ABHD18: variants seen among roughly 807,000 people sequenced by gnomAD.
The protein encoded by ABHD18 is abhydrolase domain containing 18, also known as cardiolipin-specific deacylase, mitochondrial.
A neutral mutation model predicts 65.9 loss-of-function variants in ABHD18; 55 were observed. That is an observed-to-expected ratio of 0.84 (90% confidence interval 0.67 to 1.05). The LOEUF (loss-of-function observed/expected upper bound fraction) is 1.05. ABHD18 is among the 50% of genes least tolerant of loss of function. ABHD18 has a pLI of 0.00. For missense variants in ABHD18, 533 were observed against 558.5 expected (o/e 0.95, Z 0.46); for synonymous variants, 181 against 180.2 (o/e 1.00, Z -0.04).
chr4:127,985,312 G>T (rs1215538813), intron 3 of ABHD18, among the ~76,000 whole-genome samples: 2 of 151,988 alleles, frequency 1.3e-5, no homozygotes, highest in African/African-American at 4.8e-5. Context: ...TTGGAGAGGG[G>T]ATACAAATGG....
chr4:128,006,419 G>A (rs1293816925), intron 4 of ABHD18, among the ~76,000 whole-genome samples: 1 of 152,188 alleles, frequency 6.6e-6, no homozygotes, highest in African/African-American at 2.4e-5. Context: ...TTCTCGTTAT[G>A]AGATTGAAAA....
At chr4:127,969,723 T>A (rs187079451) in intron 1 of ABHD18, among the ~76,000 whole-genome samples, 112 of 152,106 alleles carry the variant, frequency 7.4e-4, no homozygotes, top group African/African-American at 2.5e-3. Flanking sequence ...TTACTTTTCT[T>A]CTTACTGTAA....
chr4:127,978,818 A>C (rs1342858411), intron 1 of ABHD18, among the ~76,000 whole-genome samples: 1 of 152,198 alleles, frequency 6.6e-6, no homozygotes, highest in African/African-American at 2.4e-5. Context: ...AGCTTATGAT[A>C]TGGTTACATC....
At chr4:127,985,900 A>G (rs573644167) in intron 3 of ABHD18, among the ~76,000 whole-genome samples, 3 of 152,100 alleles carry the variant, frequency 2.0e-5, no homozygotes, top group Admixed American at 1.3e-4. Flanking sequence ...CCAGCTTTCC[A>G]GCTACTCGGG....
intron 1 of ABHD18, among the ~76,000 whole-genome samples, chr4:127,975,750 AAATC>A (rs1747790768): frequency 6.6e-6 from 1 of 152,190 alleles, no homozygotes; most frequent in Non-Finnish European, 1.5e-5. Flanking sequence ...GAATTTTTTT[AAATC>A]AATATTTGCA....
At chr4:128,009,376 A>G (rs952941580) in intron 6 of ABHD18, among the ~76,000 whole-genome samples, 185 bp downstream of exon 6, 7 of 152,234 alleles carry the variant, frequency 4.6e-5, no homozygotes, top group African/African-American at 9.6e-5. Flanking sequence ...AAAAATTAAC[A>G]TAAGGATTGT....
intron 4 of ABHD18, among the ~76,000 whole-genome samples, chr4:127,993,136 G>T (rs1007086217): frequency 6.6e-6 from 1 of 152,024 alleles, no homozygotes; most frequent in Non-Finnish European, 1.5e-5. Context: ...GTATGCTAAA[G>T]GATATAGAAG....
At chr4:128,014,903 C>T (rs1195304159) in intron 7 of ABHD18, among the ~76,000 whole-genome samples, 1 of 152,054 alleles carries the variant, frequency 6.6e-6, no homozygotes, top group Non-Finnish European at 1.5e-5. Flanking sequence ...CAGTGTAAAA[C>T]CCTGTCTCTA....
intron 12 of ABHD18, among the ~76,000 whole-genome samples, chr4:128,032,334 G>A (rs1341244601): frequency 6.6e-6 from 1 of 152,170 alleles, no homozygotes; most frequent in Non-Finnish European, 1.5e-5. Flanking sequence ...ACAGAGGTTA[G>A]ATGACATTGG....
intron 12 of ABHD18, among the ~76,000 whole-genome samples, chr4:128,033,617 C>A (rs1044802374): frequency 1.3e-5 from 2 of 148,700 alleles, no homozygotes; most frequent in Non-Finnish European, 3.0e-5. Context: ...CTCACTGCAA[C>A]CTCCACCTCC....
chr4:128,023,827 TAAGCCAAGATCACGCC>T (rs1316997487), intron 10 of ABHD18, among the ~76,000 whole-genome samples: 1 of 152,110 alleles, frequency 6.6e-6, no homozygotes, highest in Non-Finnish European at 1.5e-5. Context: ...GAGCTTGCAG[TAAGCCAAGATCACGCC>T]ACTGCACGCC....
chr4:128,008,166 G>T (rs1412707187), intron 4 of ABHD18, among the ~76,000 whole-genome samples: 1 of 151,568 alleles, frequency 6.6e-6, no homozygotes, highest in Non-Finnish European at 1.5e-5. Context: ...GGAGGCTGAG[G>T]CAGGAGAAGC....
intron 1 of ABHD18, among the ~76,000 whole-genome samples, chr4:127,981,278 G>T (rs1380871090): frequency 6.6e-6 from 1 of 152,032 alleles, no homozygotes; most frequent in East Asian, 1.9e-4. Flanking sequence ...CCCATTGTAG[G>T]TCGAGGAGCA....
intron 1 of ABHD18, among the ~76,000 whole-genome samples, chr4:127,973,505 A>G (rs559715806): frequency 2.2e-4 from 34 of 152,044 alleles, no homozygotes; most frequent in Non-Finnish European, 4.4e-4. Context: ...TCAGTGTAGC[A>G]GACAGTTTCT....
intron 12 of ABHD18, among the ~76,000 whole-genome samples, chr4:128,035,449 T>C (rs1221066360): frequency 1.3e-5 from 2 of 152,108 alleles, no homozygotes; most frequent in African/African-American, 4.8e-5. Context: ...GGTGCATGCC[T>C]GTAATTCTAG....
At chr4:128,030,017 T>C (rs866974188) in intron 11 of ABHD18, among the ~76,000 whole-genome samples, 1 of 151,948 alleles carries the variant, frequency 6.6e-6, no homozygotes, top group African/African-American at 2.4e-5. Flanking sequence ...TTGCTGAGTG[T>C]GGTGGCATTC....
intron 3 of ABHD18, among the ~76,000 whole-genome samples, chr4:127,984,917 A>C (rs944826764): frequency 5.3e-5 from 8 of 152,218 alleles, no homozygotes; most frequent in Non-Finnish European, 1.2e-4. Context: ...TGTTTTTAAT[A>C]ACTATGTTCA....
intron 4 of ABHD18, among the ~76,000 whole-genome samples, chr4:128,003,840 G>A (rs1443157715): frequency 6.6e-6 from 1 of 151,510 alleles, no homozygotes; most frequent in African/African-American, 2.4e-5. Context: ...AGCTACTTGG[G>A]AGGCTGAGGC....
chr4:128,021,265 T>C (rs776551322), intron 10 of ABHD18, 27 bp downstream of exon 10: 100 of 1,308,766 alleles, frequency 7.6e-5, no homozygotes, highest in Non-Finnish European at 9.5e-5. Flanking sequence ...CCACCCAACA[T>C]TGGTGGTGGG....
Sources: gnomAD v4.1 joint callset for allele counts (sites outside exome capture counted in the v4.1 genomes callset) on GRCh38, gnomAD v4.1.1 for gene constraint, MANE v1.5 for transcripts, NCBI Gene and HGNC (gene_info 2026-07-23, HGNC 2026-07-21) for gene names.